The following SLCO3A1 variants were observed in gnomAD, a reference collection of about 807,000 sequenced individuals.
SLCO3A1 encodes the protein PGE1 transporter.
SLCO3A1 carries 27 observed loss-of-function variants against 63.1 expected under a neutral mutation model. That is an observed-to-expected ratio of 0.43 (90% confidence interval 0.32 to 0.59). SLCO3A1 has a LOEUF of 0.59. SLCO3A1 is among the 20% of genes least tolerant of loss of function. SLCO3A1 has a pLI of 0.09. For missense variants in SLCO3A1, 773 were observed against 945.8 expected (o/e 0.82, Z 2.40); for synonymous variants, 473 against 409.9 (o/e 1.15, Z -1.86).
intron 4 of SLCO3A1, among the ~76,000 whole-genome samples, chr15:92,115,182 G>T (rs2047778877): frequency 6.6e-6 from 1 of 151,956 alleles, no homozygotes; most frequent in African/African-American, 2.4e-5. Flanking sequence ...TCAATTCCGG[G>T]GAACTGGACA....
At chr15:92,039,869 G>A (rs2046776151) in intron 2 of SLCO3A1, among the ~76,000 whole-genome samples, 1 of 150,660 alleles carries the variant, frequency 6.6e-6, no homozygotes, top group South Asian at 2.1e-4. Flanking sequence ...ATACACAGTG[G>A]AATACCATAC....
At chr15:92,112,691 C>CA (rs2047743751) in intron 4 of SLCO3A1, among the ~76,000 whole-genome samples, 1 of 152,190 alleles carries the variant, frequency 6.6e-6, no homozygotes, top group African/African-American at 2.4e-5. Context: ...GCAGGGGACT[C>CA]ACTCACCAAA....
chr15:92,047,911 C>T (rs974450974), intron 2 of SLCO3A1, among the ~76,000 whole-genome samples: 2 of 151,690 alleles, frequency 1.3e-5, no homozygotes, highest in African/African-American at 4.8e-5. Flanking sequence ...GTACCGGGCA[C>T]TTCATCTGAG....
intron 1 of SLCO3A1, among the ~76,000 whole-genome samples, chr15:91,891,734 G>T (rs1022201783): frequency 6.6e-6 from 1 of 152,174 alleles, no homozygotes; most frequent in African/African-American, 2.4e-5. Context: ...CACAGTGTTC[G>T]TGCCCTTAAT....
Position 91,883,721 on chromosome 15 carries a change from G to A in SLCO3A1, c.180+29633G>A, listed in dbSNP as rs1034622960. Among the ~76,000 whole-genome samples the A allele has an allele frequency of 1.3e-5, 2 of 152,128 alleles. No homozygotes were observed. The highest frequency in any genetic ancestry group is 2.4e-5 in the African/African-American group (1 of 41,402). Reference sequence around the variant, plus strand: ...TTGCTGGGTTGTGCATAGAAATTTCGGTTCCAAGTATTTTTTGAAGTAGAA... The same window carrying A: ...TTGCTGGGTTGTGCATAGAAATTTCAGTTCCAAGTATTTTTTGAAGTAGAA... On this transcript the variant is annotated intron_variant, in intron 1 of 9. Transcript: ENST00000318445. The surrounding 1 kb of genome is among the most constrained non-coding windows in gnomAD (Gnocchi z 4.8).
intron 2 of SLCO3A1, among the ~76,000 whole-genome samples, chr15:92,061,619 C>A (rs1330634441): frequency 6.6e-6 from 1 of 152,196 alleles, no homozygotes; most frequent in Non-Finnish European, 1.5e-5. Context: ...CCTAAGAAAG[C>A]TAAGAGGTGG....
intron 9 of SLCO3A1, chr15:92,161,765 ACACACAG>A (rs2048440390): frequency 6.9e-6 from 1 of 145,514 alleles, no homozygotes; most frequent in Non-Finnish European, 1.5e-5. Context: ...GTAGAACACC[ACACACAG>A]TATGCCGGCG....
rs117429068 is a variant in SLCO3A1 at position 92,059,874 on chromosome 15, T to C, written c.647-35007T>C. On this transcript the variant is annotated intron_variant, in intron 2 of 9. Coordinates refer to ENST00000318445, the MANE Select transcript of SLCO3A1 (RefSeq NM_013272.4). ...TGAGAAATGCGTCGTTAGGCAATTT[T>C]GTCATTGCGGGGACATCACAGGGTG... Among the ~76,000 whole-genome samples, 8 of 152,294 alleles carry C rather than the reference T, an allele frequency of 5.3e-5. No individual in the cohort carries two copies. The East Asian group carries it at 1.4e-3, about 26-fold the overall frequency.
chr15:92,120,062 C>T (rs937727817), intron 4 of SLCO3A1, among the ~76,000 whole-genome samples: 1 of 151,252 alleles, frequency 6.6e-6, no homozygotes. Flanking sequence ...GATATTTATA[C>T]TTTATTTTAT....
rs181305794 is a variant in SLCO3A1, at chr15:91,919,892, T to C, written c.646+3434T>C. Among the ~76,000 whole-genome samples, 10 of 152,322 alleles carry C rather than the reference T, an allele frequency of 6.6e-5. No homozygotes were observed. The East Asian group carries it at 1.7e-3, about 26-fold the overall frequency. ...GTAGAAAAAGAATAATTAGAGAATA[T>C]TGTAGCTTTATGGTGTACACAATTC... On this transcript the variant is annotated intron_variant, in intron 2 of 9. Coordinates refer to ENST00000318445, the MANE Select transcript of SLCO3A1 (RefSeq NM_013272.4).
intron 1 of SLCO3A1, among the ~76,000 whole-genome samples, chr15:91,867,804 G>A (rs1022519312): frequency 6.6e-6 from 1 of 152,180 alleles, no homozygotes; most frequent in African/African-American, 2.4e-5. Flanking sequence ...TGGTGACTGG[G>A]CGGAGGCCCC....
At position 92,093,846 on chromosome 15, in the gene SLCO3A1, A is replaced by T. The variant is rs75310229; in HGVS notation, c.647-1035A>T. Among the ~76,000 whole-genome samples, 1,315 of 151,830 alleles carry T rather than the reference A, an allele frequency of 8.7e-3. 50 individuals carry two copies. The highest frequency in any genetic ancestry group is 0.054 in the Admixed American group (822 of 15,236). Reference sequence around the variant, plus strand: ...AGACTAGGCTGGAGAGCTACCCTCCACTGGGCTTAGGTTCCCAGCAAGTGA... The same window carrying T: ...AGACTAGGCTGGAGAGCTACCCTCCTCTGGGCTTAGGTTCCCAGCAAGTGA... On this transcript the variant is annotated intron_variant, in intron 2 of 9. Transcript: ENST00000318445.
chr15:91,936,339 A>G (rs954558416), intron 2 of SLCO3A1, among the ~76,000 whole-genome samples: 1 of 152,224 alleles, frequency 6.6e-6, no homozygotes, highest in Non-Finnish European at 1.5e-5. Flanking sequence ...TCCACTAACC[A>G]CATATGGCTA....
intron 2 of SLCO3A1, among the ~76,000 whole-genome samples, chr15:91,940,505 G>A (rs1285725620): frequency 2.6e-5 from 4 of 152,208 alleles, no homozygotes; most frequent in South Asian, 4.1e-4. Flanking sequence ...TGTGCTTACA[G>A]AAATGAATCA....
intron 7 of SLCO3A1, among the ~76,000 whole-genome samples, chr15:92,133,022 A>G (rs1419221026): frequency 6.8e-6 from 1 of 146,134 alleles, no homozygotes; most frequent in African/African-American, 2.5e-5. Context: ...GTTCTAATAC[A>G]GGGCTTCTCA....
Position 92,150,800 on chromosome 15 carries a change from A to G in SLCO3A1, c.1689-150A>G, listed in dbSNP as rs2048295052. The G allele has an allele frequency of 5.9e-6, 3 of 505,590 alleles. No homozygotes were observed. The East Asian group carries it at 9.5e-5, about 16-fold the overall frequency. The allele number at this position is 505,590 out of a possible 1,614,324, so 31.3% of individuals were successfully genotyped here. On this transcript the variant is annotated intron_variant, in intron 8 of 9. Transcript: ENST00000318445. ...TCAGACTTTAGGCAGAAAAAAAAAA[A>G]GACACTATTAGTAATTTTAAAAAAG...
At chr15:92,042,027 G>A (rs1000033908) in intron 2 of SLCO3A1, among the ~76,000 whole-genome samples, 9 of 152,096 alleles carry the variant, frequency 5.9e-5, no homozygotes, top group Non-Finnish European at 2.9e-5. Flanking sequence ...AAGAGTGGGT[G>A]GAAGCAGGCA....
intron 2 of SLCO3A1, among the ~76,000 whole-genome samples, chr15:91,926,797 C>T (rs1052946518): frequency 2.6e-5 from 4 of 151,970 alleles, no homozygotes; most frequent in South Asian, 2.1e-4. Context: ...TTGCGGGAGT[C>T]GGGGCCATAA....
In SLCO3A1 at chr15:91,968,371, A is replaced by G. The variant is rs919809073; in HGVS notation, c.646+51913A>G. Among the ~76,000 whole-genome samples the G allele has an allele frequency of 2.6e-5, 4 of 152,076 alleles. No individual in the cohort carries two copies. Among genetic ancestry groups the G allele is most frequent in the African/African-American group, 9.7e-5 (4 of 41,410 alleles). The stretch of plus-strand genomic sequence containing the variant: ...GCTTTCTCTCAAGTAGATTCTGCTG[A>G]GTTCTGCTTGGACTGGTAAGCACAG... On this transcript the variant is annotated intron_variant, in intron 2 of 9. Coordinates refer to ENST00000318445, the MANE Select transcript of SLCO3A1 (RefSeq NM_013272.4). This position sits in a 1 kb window ranked among gnomAD's most constrained non-coding sequence, Gnocchi z 4.2.
Sources: allele counts gnomAD v4.1 joint callset (sites outside exome capture counted in the v4.1 genomes callset), GRCh38; gene constraint gnomAD v4.1.1; non-coding constraint Gnocchi (gnomAD v3.1); transcripts MANE v1.5; gene names NCBI Gene and HGNC (gene_info 2026-07-23, HGNC 2026-07-21).